PHLDB2: variants seen among roughly 807,000 people sequenced by gnomAD.
PHLDB2 encodes pleckstrin homology-like domain family B member 2.
Under a neutral mutation model 123.6 loss-of-function variants are expected in PHLDB2, and 71 were observed. The ratio of observed to expected loss-of-function variants is 0.57; its 90% CI spans 0.47 to 0.70. The LOEUF (loss-of-function observed/expected upper bound fraction) is 0.70. Ranked by LOEUF, PHLDB2 falls within the 30% of genes least tolerant of loss-of-function variation. The probability of loss-of-function intolerance (pLI) is 0.00; values close to 1 mark genes in which losing one functional copy is unlikely to be tolerated. For missense variants in PHLDB2, 1,446 were observed against 1,519.5 expected (o/e 0.95, Z 0.80); for synonymous variants, 547 against 541.6 (o/e 1.01, Z -0.14).
chr3:111,764,966 A>G (rs1261177091), intron 1 of PHLDB2, among the ~76,000 whole-genome samples: 1 of 152,210 alleles, frequency 6.6e-6, no homozygotes, highest in Non-Finnish European at 1.5e-5. Context: ...GGAATTGTAG[A>G]ATCACAGATC....
Position 111,928,033 on chromosome 3 carries a change from A to T in PHLDB2, c.2002-4236A>T, listed in dbSNP as rs112682443. On this transcript the variant is annotated intron_variant, in intron 5 of 17. Coordinates refer to ENST00000431670, the MANE Select transcript of PHLDB2 (RefSeq NM_001134438.2). ...TATTGGCAACTCGTGTGCAAGTTCAAATTCTTTAGTGTAAACTTTTAACAA... is the reference window on the plus strand; with the variant it reads ...TATTGGCAACTCGTGTGCAAGTTCATATTCTTTAGTGTAAACTTTTAACAA... Among the ~76,000 whole-genome samples the T allele has an allele frequency of 2.0e-5, 3 of 152,316 alleles. No homozygotes were observed. The South Asian group carries it at 6.2e-4, about 32-fold the overall frequency.
At chr3:111,811,751 A>T (rs1200509386) in intron 1 of PHLDB2, among the ~76,000 whole-genome samples, 1 of 152,144 alleles carries the variant, frequency 6.6e-6, no homozygotes, top group Admixed American at 6.6e-5. Context: ...GCAAAGCAGG[A>T]TATTAGGCCT....
chr3:111,852,189 C>T (rs989417325), intron 2 of PHLDB2, among the ~76,000 whole-genome samples: 6 of 151,484 alleles, frequency 4.0e-5, no homozygotes, highest in East Asian at 1.9e-4. Flanking sequence ...AGAATTCTCC[C>T]GTGTGCTGAA....
chr3:111,925,451 G>A (rs960034269), intron 5 of PHLDB2, among the ~76,000 whole-genome samples: 5 of 152,022 alleles, frequency 3.3e-5, no homozygotes, highest in South Asian at 2.1e-4. Context: ...TTGTGTTCTC[G>A]GATAGTAGCC....
intron 1 of PHLDB2, among the ~76,000 whole-genome samples, chr3:111,807,537 T>C (rs914933811): frequency 2.0e-5 from 3 of 151,986 alleles, no homozygotes; most frequent in African/African-American, 7.2e-5. Flanking sequence ...CTGGGCCACA[T>C]AGGAAGACCC....
chr3:111,872,751 G>A (rs1451617565), intron 1 of PHLDB2, among the ~76,000 whole-genome samples: 3 of 152,180 alleles, frequency 2.0e-5, no homozygotes, highest in Non-Finnish European at 4.4e-5. Context: ...AGAGCTATCA[G>A]TAGCCGTTGT....
At chr3:111,950,535 T>C (rs1577171622) in intron 10 of PHLDB2, among the ~76,000 whole-genome samples, 2 of 152,188 alleles carry the variant, frequency 1.3e-5, no homozygotes, top group Admixed American at 1.3e-4. Flanking sequence ...GATTTTTAAA[T>C]AAATAATTTT....
Position 111,737,704 on chromosome 3 carries a change from G to C in PHLDB2, c.-49+5001G>C, listed in dbSNP as rs1397337868. Among the ~76,000 whole-genome samples, 6 of 150,802 alleles carry C rather than the reference G, an allele frequency of 4.0e-5. No individual in the cohort carries two copies. The East Asian group carries it at 7.8e-4, about 20-fold the overall frequency. On this transcript the variant is annotated intron_variant, in intron 1 of 17. Transcript: ENST00000393923. ...CCACAAAGTCTTTTTTTTTTCAAAA[G>C]CCAAAATAATATCAAAAATACTTCC...
At chr3:111,967,595 G>GACA (rs2071862615) in intron 14 of PHLDB2, 83 bp from the exon 15 acceptor site, 14 of 1,374,790 alleles carry the variant, frequency 1.0e-5, no homozygotes, top group Non-Finnish European at 1.3e-5. Flanking sequence ...TGTCTAGTAA[G>GACA]AATTGTCTTT....
In PHLDB2 at chr3:111,884,232, A is replaced by G. The variant is rs764465443; in HGVS notation, c.155A>G (p.Asn52Ser). 9 of 1,614,066 alleles carry G rather than the reference A, an allele frequency of 5.6e-6. No individual in the cohort carries two copies. In the Admixed American group the frequency reaches 6.7e-5, roughly 12 times the overall value. The change falls in exon 2 of 18, where the codon AAT (asparagine) becomes AGT (serine). Residue 52 changes from asparagine (N) to serine (S), a missense_variant. Around this residue, in one of 3 missense-constraint regions of PHLDB2, gnomAD observed 832 missense variants for 831.9 expected, o/e 1.00. Coordinates refer to ENST00000431670, the MANE Select transcript of PHLDB2 (RefSeq NM_001134438.2). ...KYSSSLRFKANGDYSGSYLTL... is the reference protein window; with the variant it reads ...KYSSSLRFKASGDYSGSYLTL... ...TCTTCCAGTCTGAGATTTAAAGCCA[A>G]TGGAGACTATTCTGGCTCCTATTTA...
chr3:111,885,254 G>A lies in PHLDB2; in HGVS notation c.1177G>A (p.Ala393Thr). 1 of 1,614,144 alleles carries A rather than the reference G, an allele frequency of 6.2e-7. No individual in the cohort carries two copies. Among genetic ancestry groups the A allele is most frequent in the East Asian group, 2.2e-5 (1 of 44,878 alleles). The change falls in exon 2 of 18, where the codon GCA (alanine) becomes ACA (threonine). Residue 393 changes from alanine to threonine, a missense_variant. Around this residue, in one of 3 missense-constraint regions of PHLDB2, gnomAD observed 832 missense variants for 831.9 expected, o/e 1.00. Transcript: ENST00000431670. The stretch of plus-strand genomic sequence containing the variant: ...TTGTGGATCTGTGGAATTTGATGAG[G>A]CAGATTTGGAAAGCCTCAGACAGGC... The part of the protein sequence containing the change: ...FSCGSVEFDE[A>T]DLESLRQASG...
chr3:111,913,238 C>T, intron 2 of PHLDB2, 81 bp from the exon 3 acceptor site: 16 of 1,442,858 alleles, frequency 1.1e-5, no homozygotes, highest in Non-Finnish European at 1.5e-5. Context: ...CACCAGTTGT[C>T]CCAGCCTCTT....
chr3:111,775,397 C>G (rs148083206), intron 1 of PHLDB2, among the ~76,000 whole-genome samples: 2 of 152,124 alleles, frequency 1.3e-5, no homozygotes, highest in Non-Finnish European at 2.9e-5. Flanking sequence ...GTAGATGATA[C>G]TTTAGAAAAA....
At chr3:111,771,894 C>T (rs2060185298) in intron 1 of PHLDB2, among the ~76,000 whole-genome samples, 1 of 152,152 alleles carries the variant, frequency 6.6e-6, no homozygotes, top group Non-Finnish European at 1.5e-5. Context: ...ATGGAATCTC[C>T]TAATTCAAAA....
intron 1 of PHLDB2, among the ~76,000 whole-genome samples, chr3:111,739,871 G>A (rs1395014755): frequency 6.6e-6 from 1 of 152,082 alleles, no homozygotes; most frequent in South Asian, 2.1e-4. Flanking sequence ...TTAAGAGGAA[G>A]TCTGGTTTCC....
At chr3:111,803,063 C>G (rs2061436715) in intron 1 of PHLDB2, among the ~76,000 whole-genome samples, 1 of 152,074 alleles carries the variant, frequency 6.6e-6, no homozygotes, top group Non-Finnish European at 1.5e-5. Context: ...TCTCTAGAAA[C>G]AAAAGAAAAA....
intron 1 of PHLDB2, among the ~76,000 whole-genome samples, chr3:111,773,064 G>A (rs1421292397): frequency 6.6e-6 from 1 of 152,192 alleles, no homozygotes; most frequent in Non-Finnish European, 1.5e-5. Flanking sequence ...AGATAGGTAA[G>A]AAGTTTTATG....
chr3:111,866,933 GTGT>G (rs2065116648), intron 1 of PHLDB2, among the ~76,000 whole-genome samples: 2 of 87,482 alleles, frequency 2.3e-5, no homozygotes, highest in South Asian at 4.2e-4. Flanking sequence ...TCTAAGGGGT[GTGT>G]GTGTGTGTGT....
intron 3 of PHLDB2, among the ~76,000 whole-genome samples, chr3:111,918,572 GCAGCAAGACCCAA>G (rs747893214): frequency 6.0e-4 from 92 of 152,288 alleles, no homozygotes; most frequent in Admixed American, 1.6e-3. Flanking sequence ...GGTAACCCTA[GCAGCAAGACCCAA>G]CAGTATGCCT....
Sources: allele counts gnomAD v4.1 joint callset (sites outside exome capture counted in the v4.1 genomes callset), GRCh38; gene constraint gnomAD v4.1.1; regional missense constraint gnomAD v4.1.1; transcripts MANE v1.5; gene names NCBI Gene and HGNC (gene_info 2026-07-23, HGNC 2026-07-21).